Variants in ADAMTSL3 observed in about 807,000 individuals in gnomAD.
ADAMTSL3 encodes the protein ADAMTS like 3.
Under a neutral mutation model 201.7 loss-of-function variants are expected in ADAMTSL3, and 128 were observed. The ratio of observed to expected loss-of-function variants is 0.63; its 90% CI spans 0.55 to 0.73. The LOEUF is 0.73. ADAMTSL3 is among the 30% of genes least tolerant of loss of function. The pLI, the probability that ADAMTSL3 is intolerant of heterozygous loss-of-function variation, is 0.00. For synonymous variants in ADAMTSL3, 738 were observed against 748.4 expected, an observed-to-expected ratio of 0.99 and a Z score of 0.23; for missense variants, 1,990 against 2,119.6, an observed-to-expected ratio of 0.94 and a Z score of 1.20.
Position 83,982,415 on chromosome 15 carries a change from C to A in ADAMTSL3, c.2787C>A (p.Ser929=). The A allele has an allele frequency of 6.2e-7, 1 of 1,614,090 alleles. No individual in the cohort carries two copies. The highest frequency in any genetic ancestry group is 8.5e-7 in the Non-Finnish European group (1 of 1,180,024). Residue 929 remains serine, a synonymous_variant, in exon 21 of 30, where the codon TCC becomes TCA. Coordinates refer to ENST00000286744, the MANE Select transcript of ADAMTSL3 (RefSeq NM_207517.3). ...GSRAYLLPNT[S]VIIKCPVRRF... ...GAGCCTATTTGCTGCCCAACACATC[C>A]GTGATTATTAAGTGCCCCGTGCGAC...
At chr15:83,907,437 T>C (rs2065860778) in intron 15 of ADAMTSL3, among the ~76,000 whole-genome samples, 1 of 152,224 alleles carries the variant, frequency 6.6e-6, no homozygotes, top group African/African-American at 2.4e-5. Flanking sequence ...GGAGTCTCGC[T>C]CTGTCACCCA....
intron 23 of ADAMTSL3, among the ~76,000 whole-genome samples, chr15:83,997,605 A>G (rs2067711807): frequency 6.6e-6 from 1 of 152,196 alleles, no homozygotes; most frequent in Admixed American, 6.5e-5. Context: ...ACAAAACAAA[A>G]CAAAACAAAA....
intron 4 of ADAMTSL3, among the ~76,000 whole-genome samples, chr15:83,783,634 A>G (rs1421063325): frequency 6.6e-6 from 1 of 152,174 alleles, no homozygotes; most frequent in Non-Finnish European, 1.5e-5. Context: ...TAAAGGAAGA[A>G]GCATTAGCAG....
chr15:83,863,393 A>T (rs1260786307), intron 8 of ADAMTSL3, among the ~76,000 whole-genome samples: 2 of 152,202 alleles, frequency 1.3e-5, no homozygotes, highest in African/African-American at 2.4e-5. Flanking sequence ...AATGTAAAAG[A>T]ACAGAAATTA....
intron 20 of ADAMTSL3, among the ~76,000 whole-genome samples, chr15:83,977,571 G>C (rs1282243603): frequency 6.6e-6 from 1 of 152,120 alleles, no homozygotes; most frequent in Non-Finnish European, 1.5e-5. Context: ...TACTGGCAAT[G>C]GTGGTCAGAA....
intron 5 of ADAMTSL3, among the ~76,000 whole-genome samples, chr15:83,812,659 T>C (rs1445643935): frequency 6.6e-6 from 1 of 152,202 alleles, no homozygotes; most frequent in Admixed American, 6.5e-5. Context: ...ATTCCAGAGA[T>C]TGCTAAAAGT....
At chr15:83,903,970 A>AGGAGGGAGGG (rs1567226231) in intron 15 of ADAMTSL3, among the ~76,000 whole-genome samples, 1 of 116,604 alleles carries the variant, frequency 8.6e-6, no homozygotes, top group Admixed American at 9.2e-5. Flanking sequence ...GAAAGAAAGA[A>AGGAGGGAGGG]AAGGAGCTAC....
At chr15:83,724,126 CA>C (rs1388944057) in intron 3 of ADAMTSL3, among the ~76,000 whole-genome samples, 1 of 150,866 alleles carries the variant, frequency 6.6e-6, no homozygotes, top group African/African-American at 2.4e-5. Context: ...TTTTTTGAGA[CA>C]GAGTCTCTGT....
At chr15:83,934,656 A>G (rs2066428820) in intron 17 of ADAMTSL3, among the ~76,000 whole-genome samples, 2 of 152,172 alleles carry the variant, frequency 1.3e-5, no homozygotes, top group South Asian at 4.1e-4. Flanking sequence ...TTAAATTGTA[A>G]TCCCCATAAT....
intron 25 of ADAMTSL3, among the ~76,000 whole-genome samples, chr15:84,020,053 T>C (rs1161870216): frequency 6.6e-6 from 1 of 152,108 alleles, no homozygotes; most frequent in Non-Finnish European, 1.5e-5. Flanking sequence ...GATGAAAATA[T>C]TACATCCCTT....
intron 12 of ADAMTSL3, among the ~76,000 whole-genome samples, chr15:83,892,243 T>C (rs1032563784): frequency 7.1e-6 from 1 of 141,312 alleles, no homozygotes; most frequent in Admixed American, 7.3e-5. Flanking sequence ...AATTAAAATT[T>C]AAAAAAGGCT....
At chr15:83,853,479 C>T (rs1255965129) in intron 7 of ADAMTSL3, among the ~76,000 whole-genome samples, 1 of 152,090 alleles carries the variant, frequency 6.6e-6, no homozygotes, top group Non-Finnish European at 1.5e-5. Context: ...AATGGTGTTA[C>T]AAACATTTAC....
intron 21 of ADAMTSL3, among the ~76,000 whole-genome samples, chr15:83,984,686 C>A (rs2067443468): frequency 6.6e-6 from 1 of 152,168 alleles, no homozygotes; most frequent in Non-Finnish European, 1.5e-5. Flanking sequence ...GGGCCTATAA[C>A]ATGTTCATAC....
chr15:84,031,286 C>A, intron 27 of ADAMTSL3, 49 bp from the exon 28 acceptor site: 1 of 1,563,916 alleles, frequency 6.4e-7, no homozygotes, highest in Non-Finnish European at 8.8e-7. Context: ...GTACACACAG[C>A]ATGGATGAGC....
At chr15:83,888,798 A>C in intron 10 of ADAMTSL3, among the ~76,000 whole-genome samples, 1 of 152,164 alleles carries the variant, frequency 6.6e-6, no homozygotes, top group Middle Eastern at 3.2e-3. Flanking sequence ...TGCTTTTTAT[A>C]ATGCATACCA....
intron 3 of ADAMTSL3, among the ~76,000 whole-genome samples, chr15:83,771,760 T>A (rs1285268359): frequency 6.6e-6 from 1 of 152,286 alleles, no homozygotes; most frequent in African/African-American, 2.4e-5. Flanking sequence ...TTTGAGATCC[T>A]GATTTCAGTT....
chr15:83,666,624 C>T (rs533804603), intron 2 of ADAMTSL3, among the ~76,000 whole-genome samples: 1 of 152,178 alleles, frequency 6.6e-6, no homozygotes, highest in Non-Finnish European at 1.5e-5. Context: ...GGTTGCTTGA[C>T]TGCAGGAGTT....
chr15:83,957,574 G>A (rs916772908), intron 19 of ADAMTSL3, among the ~76,000 whole-genome samples: 12 of 152,142 alleles, frequency 7.9e-5, no homozygotes, highest in African/African-American at 2.4e-4. Flanking sequence ...GACATATTTG[G>A]CAATTGAATT....
intron 19 of ADAMTSL3, among the ~76,000 whole-genome samples, chr15:83,952,458 T>G (rs2066775385): frequency 6.6e-6 from 1 of 152,192 alleles, no homozygotes; most frequent in African/African-American, 2.4e-5. Flanking sequence ...CTGTATCTAT[T>G]GCCCTATAGT....
Sources: allele counts gnomAD v4.1 joint callset (sites outside exome capture counted in the v4.1 genomes callset), GRCh38; gene constraint gnomAD v4.1.1; transcripts MANE v1.5; gene names NCBI Gene and HGNC (gene_info 2026-07-23, HGNC 2026-07-21).